The following ERG variants were observed in gnomAD, a reference collection of about 807,000 sequenced individuals.
ERG encodes transcriptional regulator ERG.
ERG carries 9 observed loss-of-function variants against 55.3 expected under a neutral mutation model. The ratio of observed to expected loss-of-function variants is 0.16; its 90% CI spans 0.10 to 0.28. The LOEUF (loss-of-function observed/expected upper bound fraction) is 0.28. Ranked by LOEUF, ERG falls within the 10% of genes least tolerant of loss-of-function variation. The pLI, the probability that ERG is intolerant of heterozygous loss-of-function variation, is 1.00. For missense variants in ERG, 434 were observed against 631.6 expected (o/e 0.69, Z 3.35); for synonymous variants, 223 against 237.3 (o/e 0.94, Z 0.55).
intron 2 of ERG, among the ~76,000 whole-genome samples, chr21:38,523,741 C>G (rs1228238151): frequency 6.6e-6 from 1 of 152,180 alleles, no homozygotes; most frequent in Non-Finnish European, 1.5e-5. Flanking sequence ...CAGAAAGAAC[C>G]TGGATCTGGT....
At chr21:38,453,547 C>T (rs1441533300) in intron 1 of ERG, among the ~76,000 whole-genome samples, 1 of 152,240 alleles carries the variant, frequency 6.6e-6, no homozygotes, top group African/African-American at 2.4e-5. Flanking sequence ...TAAGAAACAA[C>T]ATGCCTGTGA....
At chr21:38,387,426 T>TA (rs1421993985) in intron 9 of ERG, among the ~76,000 whole-genome samples, 2 of 152,156 alleles carry the variant, frequency 1.3e-5, no homozygotes, top group African/African-American at 4.8e-5. Flanking sequence ...AGCATGGTGG[T>TA]AGGGAGCACC....
chr21:38,414,620 T>G (rs963473650), intron 3 of ERG, among the ~76,000 whole-genome samples: 1 of 152,178 alleles, frequency 6.6e-6, no homozygotes, highest in Non-Finnish European at 1.5e-5. Context: ...ATTTTGGTGA[T>G]GAAAAACCTG....
intron 1 of ERG, among the ~76,000 whole-genome samples, chr21:38,612,362 T>A (rs1478469446): frequency 6.6e-6 from 1 of 152,218 alleles, no homozygotes; most frequent in African/African-American, 2.4e-5. Context: ...GATTAAAGCA[T>A]ATTAATAAAA....
At chr21:38,592,900 C>A (rs1046568951) in intron 1 of ERG, among the ~76,000 whole-genome samples, 3 of 152,138 alleles carry the variant, frequency 2.0e-5, no homozygotes, top group Non-Finnish European at 4.4e-5. Flanking sequence ...GAGGGTCAAC[C>A]TTTCTTTCAT....
At chr21:38,402,517 C>G in intron 5 of ERG, 40 bp downstream of exon 5, 1 of 1,506,424 alleles carries the variant, frequency 6.6e-7, no homozygotes, top group African/African-American at 1.4e-5. Flanking sequence ...ACGTAAGACC[C>G]TACGCTCTTG....
chr21:38,534,142 G>A (rs927569414), intron 2 of ERG, among the ~76,000 whole-genome samples: 4 of 152,138 alleles, frequency 2.6e-5, no homozygotes, highest in African/African-American at 7.2e-5. Flanking sequence ...AAGTATTTCC[G>A]AAGACAGACA....
chr21:38,552,587 T>C (rs1188941574), intron 2 of ERG, among the ~76,000 whole-genome samples: 1 of 152,124 alleles, frequency 6.6e-6, no homozygotes, highest in Non-Finnish European at 1.5e-5. Context: ...AAAAACCACA[T>C]GATCATCTCA....
At chr21:38,418,543 G>A (rs1305876972) in intron 3 of ERG, among the ~76,000 whole-genome samples, 3 of 152,074 alleles carry the variant, frequency 2.0e-5, no homozygotes, top group African/African-American at 7.2e-5. Context: ...GATTACAGGT[G>A]TAAGCCACTG....
intron 1 of ERG, among the ~76,000 whole-genome samples, chr21:38,485,329 T>G (rs1386599096): frequency 6.6e-6 from 1 of 152,164 alleles, no homozygotes; most frequent in African/African-American, 2.4e-5. Flanking sequence ...AACCACATAT[T>G]TGTGTTTCAA....
chr21:38,618,910 G>C (rs2146939347), intron 1 of ERG, among the ~76,000 whole-genome samples: 1 of 152,192 alleles, frequency 6.6e-6, no homozygotes, highest in Non-Finnish European at 1.5e-5. Flanking sequence ...AGCGTTAAAG[G>C]GCAGAACCCA....
chr21:38,377,612 C>T (rs1299844162), downstream of ERG, among the ~76,000 whole-genome samples: 1 of 152,222 alleles, frequency 6.6e-6, no homozygotes, highest in Non-Finnish European at 1.5e-5. Context: ...TCCTGGCTTT[C>T]CAGTTAAGAG....
intron 2 of ERG, among the ~76,000 whole-genome samples, chr21:38,569,177 C>G (rs113220002): frequency 3.9e-5 from 6 of 152,254 alleles, no homozygotes; most frequent in Admixed American, 1.3e-4. Flanking sequence ...CCTCCCCCCC[C>G]ACCCCCAGTG....
Position 38,538,467 on chromosome 21 carries a change from T to C in ERG, c.-41+37195A>G, listed in dbSNP as rs182628175. ...CAAGGAGATAGAATTGTGTCCAAAG[T>C]GACCAAGTGACCTACGGAGTAATGG... On this transcript the variant is annotated intron_variant, in intron 2 of 8. Transcript: ENST00000398897. 1.1e-3 allele frequency among the ~76,000 whole-genome samples: 173 copies of C among 152,202 alleles called. 1 individual carries two copies. Among genetic ancestry groups the C allele is most frequent in the Non-Finnish European group, 4.0e-4 (27 of 67,998 alleles).
rs1426455609 is a variant in ERG at position 38,395,938 on chromosome 21, C to CCG, written c.746-3496_746-3495dup. Among the ~76,000 whole-genome samples the CCG allele has an allele frequency of 6.6e-5, 10 of 152,320 alleles. No homozygotes were observed. The East Asian group carries it at 1.9e-3, about 29-fold the overall frequency. On this transcript the variant is annotated intron_variant, in intron 6 of 9. Transcript: ENST00000288319. ...GCCCCACACACCCCACACCGCCACC[C>CCG]CGCTGCCTACCCGCTTTATTTTTTA...
intron 1 of ERG, among the ~76,000 whole-genome samples, chr21:38,614,677 TG>T (rs1170170786): frequency 1.3e-5 from 2 of 152,242 alleles, no homozygotes; most frequent in African/African-American, 4.8e-5. Flanking sequence ...AGCCCTGGAC[TG>T]GTCCATGATT....
chr21:38,557,182 T>C (rs2146828383), intron 2 of ERG, among the ~76,000 whole-genome samples: 1 of 152,352 alleles, frequency 6.6e-6, no homozygotes, highest in South Asian at 2.1e-4. Flanking sequence ...TCATGGGTTC[T>C]ATCCTTCAGA....
At chr21:38,557,167 T>G (rs1211581612) in intron 2 of ERG, among the ~76,000 whole-genome samples, 1 of 152,244 alleles carries the variant, frequency 6.6e-6, no homozygotes, top group African/African-American at 2.4e-5. Context: ...CTTGTGCCAC[T>G]GATATCATGG....
At chr21:38,588,776 G>A (rs910502777), upstream of ERG, among the ~76,000 whole-genome samples, 7 of 152,022 alleles carry the variant, frequency 4.6e-5, no homozygotes, top group Admixed American at 6.5e-5. Flanking sequence ...GGTGTGCAGT[G>A]GTGTCAATAG....
Sources: gnomAD v4.1 joint callset for allele counts (sites outside exome capture counted in the v4.1 genomes callset) on GRCh38, gnomAD v4.1.1 for gene constraint, MANE v1.5 for transcripts, NCBI Gene and HGNC (gene_info 2026-07-23, HGNC 2026-07-21) for gene names.